STIMATE: variants seen among roughly 807,000 people sequenced by gnomAD.
STIMATE encodes the protein store-operated calcium entry regulator STIMATE.
In STIMATE, 15 loss-of-function variants were observed where a neutral mutation model predicts 36.7. That is an observed-to-expected ratio of 0.41 (90% CI 0.27 to 0.63). The LOEUF is 0.63. Ranked by LOEUF, STIMATE falls within the 20% of genes least tolerant of loss-of-function variation. STIMATE has a pLI of 0.32. For synonymous variants in STIMATE, 163 were observed against 162.3 expected (o/e 1.00, Z -0.03); for missense variants, 305 against 397.3 (o/e 0.77, Z 1.98).
At chr3:52,844,737 G>C (rs547873298) in intron 5 of STIMATE, 92 bp downstream of exon 5, 1 of 1,450,856 alleles carries the variant, frequency 6.9e-7, no homozygotes. Flanking sequence ...AAACAAGTTT[G>C]GTTTTCCTAG....
At chr3:52,845,620 A>C (rs995411469) in intron 4 of STIMATE, among the ~76,000 whole-genome samples, 1 of 152,226 alleles carries the variant, frequency 6.6e-6, no homozygotes, top group Non-Finnish European at 1.5e-5. Flanking sequence ...GCTGTGACAA[A>C]GGTCCATCTG....
Position 52,847,519 on chromosome 3 carries a change from G to A in STIMATE, c.427+2273C>T, listed in dbSNP as rs547530471. On this transcript the variant is annotated intron_variant, in intron 4 of 7. Transcript: ENST00000355083. ...TGTGTGGCTTATTTCCCTGAGTCCC[G>A]CATTCTCATCAGCAAACTCTTGGCC... 15 of 1,289,708 alleles carry A rather than the reference G, an allele frequency of 1.2e-5. 1 individual carries two copies. In the African/African-American group the frequency reaches 1.7e-4, roughly 14 times the overall value. The allele number at this position is 1,289,708 out of a possible 1,614,324, so 79.9% of individuals were successfully genotyped here.
chr3:52,894,974 A>G (rs1559501284), intron 1 of STIMATE, among the ~76,000 whole-genome samples: 2 of 152,206 alleles, frequency 1.3e-5, no homozygotes, highest in African/African-American at 4.8e-5. Flanking sequence ...AACACACACT[A>G]AGACTTCCCT....
chr3:52,895,201 C>T (rs1245260436), intron 1 of STIMATE, among the ~76,000 whole-genome samples: 1 of 152,232 alleles, frequency 6.6e-6, no homozygotes, highest in Admixed American at 6.5e-5. Flanking sequence ...GGAAAAGCCT[C>T]GCAGTTCTAT....
chr3:52,882,584 A>C (rs1428471942), intron 1 of STIMATE, among the ~76,000 whole-genome samples: 1 of 152,220 alleles, frequency 6.6e-6, no homozygotes, highest in African/African-American at 2.4e-5. Context: ...CTACTTGGCT[A>C]ACAGCTCTTC....
At chr3:52,856,007 G>T (rs1348282316) in intron 1 of STIMATE, among the ~76,000 whole-genome samples, 1 of 152,224 alleles carries the variant, frequency 6.6e-6, no homozygotes, top group Admixed American at 6.5e-5. Context: ...AAGTGTTTGT[G>T]TATCTTCCAT....
chr3:52,869,431 G>A (rs1007703049), intron 1 of STIMATE, among the ~76,000 whole-genome samples: 14 of 152,214 alleles, frequency 9.2e-5, no homozygotes, highest in Admixed American at 8.5e-4. Flanking sequence ...TCCCCTTGGC[G>A]TGGGAGGGGC....
intron 1 of STIMATE, among the ~76,000 whole-genome samples, chr3:52,891,260 C>G (rs555431138): frequency 6.6e-6 from 1 of 152,212 alleles, no homozygotes; most frequent in South Asian, 2.1e-4. Flanking sequence ...CCCAGGGACC[C>G]GGCTTACATT....
chr3:52,843,075 G>C, intron 6 of STIMATE, 115 bp from the exon 7 acceptor site: 7 of 1,501,526 alleles, frequency 4.7e-6, no homozygotes, highest in Non-Finnish European at 6.2e-6. Context: ...GCTATGGAAA[G>C]AAAAACCCAA....
chr3:52,844,772 AG>A (rs1700865097), intron 5 of STIMATE, 56 bp downstream of exon 5: 1 of 1,591,014 alleles, frequency 6.3e-7, no homozygotes, highest in African/African-American at 1.3e-5. Flanking sequence ...GGTGATGGGG[AG>A]GAAGTGCTGC....
intron 4 of STIMATE, chr3:52,847,300 A>G: frequency 8.4e-7 from 1 of 1,187,270 alleles, no homozygotes; most frequent in African/African-American, 1.6e-5. Context: ...TAGAAGTCAC[A>G]GCAATAGGGG....
At chr3:52,880,212 G>A (rs1477087839) in intron 1 of STIMATE, among the ~76,000 whole-genome samples, 1 of 152,120 alleles carries the variant, frequency 6.6e-6, no homozygotes, top group Non-Finnish European at 1.5e-5. Flanking sequence ...CCAGGCAACG[G>A]TGTGCATCAA....
intron 1 of STIMATE, among the ~76,000 whole-genome samples, chr3:52,895,006 C>T (rs964786279): frequency 1.3e-5 from 2 of 152,258 alleles, no homozygotes; most frequent in Non-Finnish European, 2.9e-5. Context: ...GCGAGGGGGA[C>T]CCTCGTCAGG....
chr3:52,879,658 ATCTC>A (rs1363069022), intron 1 of STIMATE, among the ~76,000 whole-genome samples: 1 of 152,348 alleles, frequency 6.6e-6, no homozygotes, highest in Middle Eastern at 3.4e-3. Flanking sequence ...CACTTTGTTC[ATCTC>A]TCTACTTAGA....
intron 4 of STIMATE, among the ~76,000 whole-genome samples, chr3:52,846,848 TCTC>T (rs1312577830): frequency 2.0e-5 from 3 of 152,130 alleles, no homozygotes; most frequent in Admixed American, 6.5e-5. Flanking sequence ...TCCCCCACAG[TCTC>T]CTCTTTAAAG....
chr3:52,851,684 G>A (rs575329115), intron 3 of STIMATE, among the ~76,000 whole-genome samples: 7 of 152,270 alleles, frequency 4.6e-5, no homozygotes, highest in South Asian at 2.1e-4. Flanking sequence ...AGCATCTCAC[G>A]CCTGCGAGAA....
At chr3:52,892,969 A>G (rs1218257402) in intron 1 of STIMATE, among the ~76,000 whole-genome samples, 1 of 152,142 alleles carries the variant, frequency 6.6e-6, no homozygotes, top group Non-Finnish European at 1.5e-5. Flanking sequence ...CACCACAAGG[A>G]AACACCCAGA....
At chr3:52,854,212 G>A (rs543151268) in intron 2 of STIMATE, among the ~76,000 whole-genome samples, 2 of 152,240 alleles carry the variant, frequency 1.3e-5, no homozygotes, top group African/African-American at 4.8e-5. Context: ...GTCCTGATAC[G>A]AGCACCTAAA....
At position 52,837,252 on chromosome 3, in the gene STIMATE, C is replaced by G. The variant is rs1409477053; in HGVS notation, c.*3242G>C. 1 of 152,790 alleles carries G rather than the reference C, an allele frequency of 6.5e-6. No individual in the cohort carries two copies. Among genetic ancestry groups the G allele is most frequent in the Non-Finnish European group, 1.5e-5 (1 of 68,466 alleles). 9.5% of individuals were successfully genotyped at this position (152,790 alleles called of 1,614,324 possible). A position where few individuals can be genotyped will look rare whatever the true frequency, so the allele number is the denominator to read the frequency against. On this transcript the variant is annotated 3_prime_UTR_variant, in exon 8 of 8. Transcript: ENST00000355083. ...AGCTGCCAGCTGGGCGCTGCTCCCTCCAGGGTTCTGAGGCAGCCTTTGGAC... is the reference window on the plus strand; with the variant it reads ...AGCTGCCAGCTGGGCGCTGCTCCCTGCAGGGTTCTGAGGCAGCCTTTGGAC...
Sources: allele counts gnomAD v4.1 joint callset (sites outside exome capture counted in the v4.1 genomes callset), GRCh38; gene constraint gnomAD v4.1.1; transcripts MANE v1.5; gene names NCBI Gene and HGNC (gene_info 2026-07-23, HGNC 2026-07-21).